The following FANCC variants were observed in gnomAD, a reference collection of about 807,000 sequenced individuals.
FANCC encodes Fanconi anemia group C protein.
A neutral mutation model predicts 71.3 loss-of-function variants in FANCC; 55 were observed. That is an observed-to-expected ratio of 0.77 (90% CI 0.62 to 0.97). The LOEUF (loss-of-function observed/expected upper bound fraction) is 0.97. Ranked by LOEUF, FANCC falls within the 50% of genes least tolerant of loss-of-function variation. The probability of loss-of-function intolerance (pLI) is 0.00; values close to 1 mark genes in which losing one functional copy is unlikely to be tolerated. For synonymous variants in FANCC, 275 were observed against 244.9 expected (o/e 1.12, Z -1.15); for missense variants, 678 against 670.9 (o/e 1.01, Z -0.12).
chr9:95,223,724 C>T (rs1829428524), intron 4 of FANCC, among the ~76,000 whole-genome samples: 1 of 152,182 alleles, frequency 6.6e-6, no homozygotes, highest in South Asian at 2.1e-4. Context: ...CACCTGTAAT[C>T]CCAGCACTTT....
chr9:95,107,461 ACTTT>A, intron 13 of FANCC, 192 bp from the exon 14 acceptor site: 1 of 657,684 alleles, frequency 1.5e-6, no homozygotes, highest in South Asian at 1.8e-5. Flanking sequence ...AAATTTCTTG[ACTTT>A]CTTTCGTCTT....
intron 4 of FANCC, among the ~76,000 whole-genome samples, chr9:95,228,141 A>G (rs548160349): frequency 1.3e-5 from 2 of 152,164 alleles, no homozygotes; most frequent in Non-Finnish European, 2.9e-5. Flanking sequence ...TGTACACAGT[A>G]GGCACTCAGG....
intron 4 of FANCC, among the ~76,000 whole-genome samples, chr9:95,201,535 C>T (rs984496790): frequency 2.0e-5 from 3 of 152,154 alleles, no homozygotes; most frequent in Non-Finnish European, 4.4e-5. Flanking sequence ...AAGTCTGGTT[C>T]TCTCTTTCCC....
At chr9:95,278,710 C>G (rs1053737773) in intron 1 of FANCC, among the ~76,000 whole-genome samples, 3 of 151,910 alleles carry the variant, frequency 2.0e-5, no homozygotes, top group African/African-American at 7.3e-5. Context: ...GATGATATAA[C>G]TCCATCATAA....
intron 1 of FANCC, among the ~76,000 whole-genome samples, chr9:95,285,600 G>T (rs1335934078): frequency 6.6e-6 from 1 of 152,074 alleles, no homozygotes; most frequent in East Asian, 1.9e-4. Flanking sequence ...CTTGAGCCCA[G>T]GAAGCTGAGG....
At chr9:95,128,108 C>T (rs1039172793) in intron 8 of FANCC, among the ~76,000 whole-genome samples, 1 of 152,276 alleles carries the variant, frequency 6.6e-6, no homozygotes, top group Admixed American at 6.5e-5. Flanking sequence ...TGGCTTCGAA[C>T]TTAGGCATGT....
chr9:95,298,604 T>C (rs907080099), intron 1 of FANCC, among the ~76,000 whole-genome samples: 1 of 152,184 alleles, frequency 6.6e-6, no homozygotes, highest in Admixed American at 6.5e-5. Flanking sequence ...CTGTGAACAT[T>C]CAATTGAAGA....
At chr9:95,109,640 G>A (rs1007102741) in intron 13 of FANCC, 18 of 152,298 alleles carry the variant, frequency 1.2e-4, no homozygotes, top group Admixed American at 7.8e-4. Context: ...CATCCTGGGC[G>A]GGGACACGCT....
chr9:95,108,767 GT>G (rs1219267226), intron 13 of FANCC, among the ~76,000 whole-genome samples: 3 of 152,178 alleles, frequency 2.0e-5, no homozygotes, highest in Non-Finnish European at 4.4e-5. Context: ...TAATAATTCG[GT>G]TTATATACTT....
chr9:95,311,415 T>C (rs1255706317), intron 1 of FANCC, among the ~76,000 whole-genome samples: 1 of 152,022 alleles, frequency 6.6e-6, no homozygotes, highest in African/African-American at 2.4e-5. Flanking sequence ...GAACCAGCCA[T>C]AGGAGGGTGT....
chr9:95,154,596 A>T (rs1830355826), intron 6 of FANCC, among the ~76,000 whole-genome samples: 2 of 152,226 alleles, frequency 1.3e-5, no homozygotes, highest in Non-Finnish European at 2.9e-5. Flanking sequence ...TTGCATAAAG[A>T]TATCCACAAT....
At chr9:95,110,223 A>AAATT in intron 13 of FANCC, 1 of 998,324 alleles carries the variant, frequency 1.0e-6, no homozygotes, top group African/African-American at 1.7e-5. Flanking sequence ...AACTTTCTAG[A>AAATT]AATTAAGTGT....
chr9:95,137,570 G>A (rs1486280952), intron 7 of FANCC, among the ~76,000 whole-genome samples: 2 of 152,178 alleles, frequency 1.3e-5, no homozygotes, highest in East Asian at 1.9e-4. Flanking sequence ...GAAAAGAAGA[G>A]AAGAAATGAT....
At chr9:95,159,346 T>C (rs886738697) in intron 6 of FANCC, among the ~76,000 whole-genome samples, 2 of 152,246 alleles carry the variant, frequency 1.3e-5, no homozygotes, top group Non-Finnish European at 2.9e-5. Flanking sequence ...TCCATGTCCA[T>C]GCAAAGGACA....
chr9:95,210,199 AG>A (rs1447676489), intron 4 of FANCC, among the ~76,000 whole-genome samples: 1 of 152,210 alleles, frequency 6.6e-6, no homozygotes, highest in Non-Finnish European at 1.5e-5. Flanking sequence ...TAAGAAAGCA[AG>A]GTGACAATAA....
chr9:95,270,089 AG>A (rs1442534933), intron 1 of FANCC, among the ~76,000 whole-genome samples: 1 of 152,204 alleles, frequency 6.6e-6, no homozygotes, highest in Non-Finnish European at 1.5e-5. Context: ...TCAAGGCAGA[AG>A]AATTTTTCTT....
intron 10 of FANCC, among the ~76,000 whole-genome samples, chr9:95,118,054 T>C (rs1236762524): frequency 6.6e-6 from 1 of 152,116 alleles, no homozygotes; most frequent in Non-Finnish European, 1.5e-5. Context: ...AGTCTCCTTC[T>C]GTTGCGCAGG....
chr9:95,106,887 G>A (rs961448493), intron 14 of FANCC, among the ~76,000 whole-genome samples, 179 bp downstream of exon 14: 3 of 152,164 alleles, frequency 2.0e-5, no homozygotes, highest in Admixed American at 1.3e-4. Flanking sequence ...ATGACATAAA[G>A]GTGCTGGAAG....
chr9:95,170,701 C>T (rs530018123), intron 6 of FANCC, among the ~76,000 whole-genome samples: 33 of 117,888 alleles, frequency 2.8e-4, no homozygotes, highest in African/African-American at 1.0e-3. Flanking sequence ...GAAGGCAGAG[C>T]CAGGGCAGGC....
Sources: allele counts gnomAD v4.1 joint callset (sites outside exome capture counted in the v4.1 genomes callset), GRCh38; gene constraint gnomAD v4.1.1; transcripts MANE v1.5; gene names NCBI Gene and HGNC (gene_info 2026-07-23, HGNC 2026-07-21).